Variants in C3orf18 observed in about 807,000 individuals in gnomAD.
C3orf18 encodes the protein uncharacterized protein C3orf18.
Under a neutral mutation model 14.1 loss-of-function variants are expected in C3orf18, and 12 were observed. The observed-to-expected ratio is 0.85, with a 90% CI of 0.55 to 1.38. The LOEUF is 1.38. C3orf18 is among the 40% of genes most tolerant of loss of function. The pLI, the probability that C3orf18 is intolerant of heterozygous loss-of-function variation, is 0.00. For missense variants in C3orf18, 196 were observed against 213.9 expected (o/e 0.92, Z 0.52); for synonymous variants, 82 against 87.9 (o/e 0.93, Z 0.38).
At position 50,561,066 on chromosome 3, in the gene C3orf18, T is replaced by G; in HGVS notation, c.261-2A>C. 6.2e-7 allele frequency: 1 copy of G among 1,613,632 alleles called. No individual in the cohort carries two copies. Among genetic ancestry groups the G allele is most frequent in the Non-Finnish European group, 8.5e-7 (1 of 1,179,722 alleles). On this transcript the variant is annotated splice_acceptor_variant, in intron 4 of 5. Coordinates refer to ENST00000357203, the MANE Select transcript of C3orf18 (RefSeq NM_016210.5). LOFTEE classifies it high-confidence loss of function. Reference sequence around the variant, plus strand: ...AGCTGGTGGCGTAGCTTCTCCAGCCTGGGGATGGGGGCAAAGGCTGCTGGG... The same window carrying G: ...AGCTGGTGGCGTAGCTTCTCCAGCCGGGGGATGGGGGCAAAGGCTGCTGGG...
At position 50,565,876 on chromosome 3, in the gene C3orf18, A is replaced by T. The variant is rs2107301042; in HGVS notation, c.-162-15T>A. Reference sequence around the variant, plus strand: ...CTTCCTGGGTGCTAGAAAGGAAAGAATAAGAAACATGAGGCTAAGGACAGG... The same window carrying T: ...CTTCCTGGGTGCTAGAAAGGAAAGATTAAGAAACATGAGGCTAAGGACAGG... On this transcript the variant is annotated splice_polypyrimidine_tract_variant and intron_variant, in intron 2 of 5. Coordinates refer to ENST00000357203, the MANE Select transcript of C3orf18 (RefSeq NM_016210.5). This position sits in a 1 kb window ranked among gnomAD's most constrained non-coding sequence, Gnocchi z 4.4. 1 of 597,994 alleles carries T rather than the reference A, an allele frequency of 1.7e-6. No individual in the cohort carries two copies. The highest frequency in any genetic ancestry group is 2.8e-5 in the East Asian group (1 of 36,096). The allele number at this position is 597,994 out of a possible 1,614,324, so 37.0% of individuals were successfully genotyped here. A position where few individuals can be genotyped will look rare whatever the true frequency, so the allele number is the denominator to read the frequency against.
chr3:50,561,155 C>G, intron 4 of C3orf18, 91 bp from the exon 5 acceptor site: 1 of 1,379,424 alleles, frequency 7.2e-7, no homozygotes, highest in South Asian at 1.3e-5. Context: ...AGCTGAGCCA[C>G]AGCACACAAC....
chr3:50,566,619 G>A (rs553733749), intron 1 of C3orf18, among the ~76,000 whole-genome samples: 1 of 151,978 alleles, frequency 6.6e-6, no homozygotes, highest in South Asian at 2.1e-4. Context: ...TGTGGGTGGA[G>A]GCTGATGTGG....
rs1334767239 is a variant in C3orf18 at position 50,565,227 on chromosome 3, C to T, written c.234+239G>A. On this transcript the variant is annotated intron_variant, in intron 3 of 5. Transcript: ENST00000357203. The surrounding 1 kb of genome is among the most constrained non-coding windows in gnomAD (Gnocchi z 4.4). ...ACTAAAAATACAAAAATTAGCCGGG[C>T]GTGGCAGCTCACACCTGTAATCCCA... Among the ~76,000 whole-genome samples, 2 of 152,030 alleles carry T rather than the reference C, an allele frequency of 1.3e-5. No homozygotes were observed. Among genetic ancestry groups the T allele is most frequent in the African/African-American group, 2.4e-5 (1 of 41,360 alleles).
At chr3:50,560,471 T>C (rs1384043499) in intron 5 of C3orf18, among the ~76,000 whole-genome samples, 1 of 152,208 alleles carries the variant, frequency 6.6e-6, no homozygotes, top group Non-Finnish European at 1.5e-5. Context: ...TCCAAGAGTC[T>C]AACCCCATCC....
Position 50,558,699 on chromosome 3 carries a change from G to C in C3orf18, c.*958C>G. On this transcript the variant is annotated 3_prime_UTR_variant, in exon 6 of 6. Coordinates refer to ENST00000357203, the MANE Select transcript of C3orf18 (RefSeq NM_016210.5). ...AGACAGGGAGCCGTTTTCAGAAGCAGGTGAGCCCAGTGAAACAATGCAGTG... is the reference window on the plus strand; with the variant it reads ...AGACAGGGAGCCGTTTTCAGAAGCACGTGAGCCCAGTGAAACAATGCAGTG... 2 of 1,288,318 alleles carry C rather than the reference G, an allele frequency of 1.6e-6. No homozygotes were observed. Among genetic ancestry groups the C allele is most frequent in the Non-Finnish European group, 2.0e-6 (2 of 987,766 alleles). The allele number at this position is 1,288,318 out of a possible 1,614,324, so 79.8% of individuals were successfully genotyped here.
chr3:50,570,714 A>T (rs986545355), upstream of C3orf18: 12 of 167,006 alleles, frequency 7.2e-5, no homozygotes, highest in Non-Finnish European at 1.3e-4. Flanking sequence ...CAACCCGTTT[A>T]TTAGCAGAGA....
Position 50,559,488 on chromosome 3 carries a change from TAG to T in C3orf18, c.*167_*168del. ...GTCCAGCCTGGCTAGGGCCCTCTCT[TAG>T]AGTCTAAAGTCAGCAGGTGGGTCTG... On this transcript the variant is annotated 3_prime_UTR_variant, in exon 6 of 6. Transcript: ENST00000357203. 7.0e-7 allele frequency: 1 copy of T among 1,427,684 alleles called. No homozygotes were observed. Among genetic ancestry groups the T allele is most frequent in the Non-Finnish European group, 9.2e-7 (1 of 1,088,876 alleles). 88.4% of individuals were successfully genotyped at this position (1,427,684 alleles called of 1,614,324 possible).
chr3:50,564,153 A>G (rs908045601), intron 3 of C3orf18, among the ~76,000 whole-genome samples: 2 of 152,236 alleles, frequency 1.3e-5, no homozygotes, highest in Non-Finnish European at 2.9e-5. Context: ...TACTTGTCAG[A>G]GCAACATGCT....
intron 4 of C3orf18, among the ~76,000 whole-genome samples, chr3:50,561,299 G>A (rs903285912): frequency 4.6e-5 from 7 of 152,232 alleles, no homozygotes; most frequent in South Asian, 2.1e-4. Context: ...AAGGCCATAC[G>A]CCAAGTAGCT....
intron 3 of C3orf18, among the ~76,000 whole-genome samples, chr3:50,563,181 G>T (rs983592287): frequency 6.6e-6 from 1 of 152,088 alleles, no homozygotes; most frequent in African/African-American, 2.4e-5. Flanking sequence ...AGAAACTAGG[G>T]TATCAATCCT....
upstream of C3orf18, among the ~76,000 whole-genome samples, chr3:50,572,994 A>G (rs1232410798): frequency 1.3e-5 from 2 of 152,116 alleles, no homozygotes; most frequent in Non-Finnish European, 2.9e-5. Context: ...GCACACAAAC[A>G]TTTCTGGGAA....
intron 3 of C3orf18, 157 bp from the exon 4 acceptor site, chr3:50,561,904 C>CT (rs35405680): frequency 0.22 from 117,536 of 544,220 alleles, 1,261 homozygotes; most frequent in East Asian, 0.32. Context: ...CTTCATGCCT[C>CT]TTTTTTTTTT....
rs978981590 is a variant in C3orf18 at position 50,558,325 on chromosome 3, A to G, written c.*1332T>C. ...CTGGGCACGGGACATGCCTCTGTGC[A>G]TGCTTGTGTGCATATGTATGCCCAG... On this transcript the variant is annotated 3_prime_UTR_variant, in exon 6 of 6. Coordinates refer to ENST00000357203, the MANE Select transcript of C3orf18 (RefSeq NM_016210.5). The G allele has an allele frequency of 9.3e-6, 2 of 214,768 alleles. No individual in the cohort carries two copies. The highest frequency in any genetic ancestry group is 1.3e-4 in the East Asian group (1 of 7,840). 13.3% of individuals were successfully genotyped at this position (214,768 alleles called of 1,614,324 possible). A position where few individuals can be genotyped will look rare whatever the true frequency, so the allele number is the denominator to read the frequency against.
intron 4 of C3orf18, among the ~76,000 whole-genome samples, 185 bp downstream of exon 4, chr3:50,561,537 G>A (rs1173113189): frequency 6.6e-6 from 1 of 152,202 alleles, no homozygotes; most frequent in African/African-American, 2.4e-5. Context: ...TGCCCTGTGT[G>A]TGAGATCCTT....
intron 5 of C3orf18, 21 bp downstream of exon 5, chr3:50,560,896 G>A (rs1156431163): frequency 6.3e-7 from 1 of 1,586,772 alleles, no homozygotes; most frequent in East Asian, 2.3e-5. Flanking sequence ...AGGCGGGGTG[G>A]GGAGCCTGGT....
chr3:50,558,519 A>G lies in C3orf18; in HGVS notation c.*1138T>C, dbSNP rs1255775256. The G allele has an allele frequency of 2.6e-6, 1 of 392,142 alleles. No individual in the cohort carries two copies. Among genetic ancestry groups the G allele is most frequent in the African/African-American group, 2.1e-5 (1 of 47,308 alleles). 24.3% of individuals were successfully genotyped at this position (392,142 alleles called of 1,614,324 possible). On this transcript the variant is annotated 3_prime_UTR_variant, in exon 6 of 6. Transcript: ENST00000357203. The stretch of plus-strand genomic sequence containing the variant: ...TCCCATAGATGGGATGGAGGTGGGG[A>G]ATTCAAACATAGACTAAGTTTTTTA...
upstream of C3orf18, chr3:50,571,883 G>A: frequency 1.4e-6 from 2 of 1,451,024 alleles, no homozygotes; most frequent in East Asian, 2.3e-5. Context: ...AGTTCAGGGA[G>A]GAGGAGAATG....
At position 50,565,368 on chromosome 3, in the gene C3orf18, A is replaced by G. The variant is rs1700227769; in HGVS notation, c.234+98T>C. 3 of 989,224 alleles carry G rather than the reference A, an allele frequency of 3.0e-6. No homozygotes were observed. The highest frequency in any genetic ancestry group is 2.1e-4 in the Middle Eastern group (1 of 4,824). 61.3% of individuals were successfully genotyped at this position (989,224 alleles called of 1,614,324 possible). A position where few individuals can be genotyped will look rare whatever the true frequency, so the allele number is the denominator to read the frequency against. ...CATGACAGAGCAAGACTCTGTCTCAAAAACAACAATAACAACAACCAGATT... is the reference window on the plus strand; with the variant it reads ...CATGACAGAGCAAGACTCTGTCTCAGAAACAACAATAACAACAACCAGATT... On this transcript the variant is annotated intron_variant, in intron 3 of 5. Transcript: ENST00000357203. This position sits in a 1 kb window ranked among gnomAD's most constrained non-coding sequence, Gnocchi z 4.4.
Sources: gnomAD v4.1 joint callset for allele counts (sites outside exome capture counted in the v4.1 genomes callset) on GRCh38, gnomAD v4.1.1 for gene constraint, Gnocchi (gnomAD v3.1) non-coding constraint, MANE v1.5 for transcripts, NCBI Gene and HGNC (gene_info 2026-07-23, HGNC 2026-07-21) for gene names.